CFAP54: variants seen among roughly 807,000 people sequenced by gnomAD.
CFAP54 encodes the protein cilia- and flagella-associated protein 54.
CFAP54 carries 290 observed loss-of-function variants against 370.4 expected under a neutral mutation model. That is an observed-to-expected ratio of 0.78 (90% CI 0.71 to 0.86). CFAP54 has a LOEUF of 0.86. CFAP54 is among the 40% of genes least tolerant of loss of function. The pLI is 0.00. For missense variants in CFAP54, 3,399 were observed against 3,528.7 expected, an observed-to-expected ratio of 0.96 and a Z score of 0.93; for synonymous variants, 1,206 against 1,236.5, an observed-to-expected ratio of 0.98 and a Z score of 0.52.
At chr12:96,570,277 G>A (rs1490498558) in intron 19 of CFAP54, among the ~76,000 whole-genome samples, 1 of 151,342 alleles carries the variant, frequency 6.6e-6, no homozygotes, top group Non-Finnish European at 1.5e-5. Context: ...CCCAGCCTCA[G>A]CTCTTTGTAA....
At chr12:96,779,899 A>T (rs1269523023) in intron 60 of CFAP54, among the ~76,000 whole-genome samples, 1 of 152,064 alleles carries the variant, frequency 6.6e-6, no homozygotes, top group East Asian at 1.9e-4. Context: ...ATTGCAATTA[A>T]GATTAAGTGG....
At chr12:96,802,174 A>C (rs1387170546) in intron 63 of CFAP54, among the ~76,000 whole-genome samples, 1 of 152,036 alleles carries the variant, frequency 6.6e-6, no homozygotes, top group African/African-American at 2.4e-5. Context: ...TCTCCTATGC[A>C]TACCTAGAAC....
chr12:96,843,589 C>T (rs1959251184), intron 66 of CFAP54, among the ~76,000 whole-genome samples: 1 of 152,152 alleles, frequency 6.6e-6, no homozygotes, highest in Non-Finnish European at 1.5e-5. Context: ...ATGCAAAGTC[C>T]AGTGAGAGTT....
chr12:96,716,537 T>C (rs892507625), intron 48 of CFAP54, among the ~76,000 whole-genome samples: 5 of 152,232 alleles, frequency 3.3e-5, no homozygotes, highest in African/African-American at 1.2e-4. Context: ...TGAGCCCCTG[T>C]AGAAGTCAGG....
chr12:96,828,990 G>T, intron 65 of CFAP54, 24 bp from the exon 66 acceptor site: 1 of 1,270,118 alleles, frequency 7.9e-7, no homozygotes, highest in Non-Finnish European at 1.1e-6. Flanking sequence ...CAACCTCACT[G>T]TATTACTATC....
At chr12:96,775,307 TA>T (rs1747638942) in intron 60 of CFAP54, among the ~76,000 whole-genome samples, 1 of 152,076 alleles carries the variant, frequency 6.6e-6, no homozygotes, top group Admixed American at 6.5e-5. Context: ...TGGGCACCTG[TA>T]ATCCCAGCTA....
At chr12:96,754,097 A>G (rs1479418830) in intron 56 of CFAP54, among the ~76,000 whole-genome samples, 199 bp downstream of exon 56, 1 of 152,220 alleles carries the variant, frequency 6.6e-6, no homozygotes, top group African/African-American at 2.4e-5. Flanking sequence ...TCTAGAAAGA[A>G]AAAAGTACTA....
intron 26 of CFAP54, among the ~76,000 whole-genome samples, chr12:96,615,041 C>T (rs1244356172): frequency 1.3e-5 from 2 of 152,166 alleles, no homozygotes; most frequent in African/African-American, 2.4e-5. Flanking sequence ...CAAAAAAGAG[C>T]CTGCATTGCC....
chr12:96,555,553 A>G (rs12320542), intron 17 of CFAP54, among the ~76,000 whole-genome samples: 1,497 of 146,870 alleles, frequency 0.01, 13 homozygotes, highest in Middle Eastern at 0.025. Flanking sequence ...AAAAATAATA[A>G]TATATAATAC....
intron 66 of CFAP54, among the ~76,000 whole-genome samples, chr12:96,846,864 T>C (rs1959370301): frequency 6.6e-6 from 1 of 152,152 alleles, no homozygotes; most frequent in Non-Finnish European, 1.5e-5. Flanking sequence ...TGTGCAGCTT[T>C]TCCTGACACC....
intron 34 of CFAP54, among the ~76,000 whole-genome samples, chr12:96,648,286 T>A (rs1183247457): frequency 6.6e-6 from 1 of 152,204 alleles, no homozygotes; most frequent in Non-Finnish European, 1.5e-5. Context: ...GCAAATATAA[T>A]GTTTTAAATT....
chr12:96,863,777 A>G (rs1368454925), intron 67 of CFAP54, among the ~76,000 whole-genome samples: 1 of 152,038 alleles, frequency 6.6e-6, no homozygotes, highest in Non-Finnish European at 1.5e-5. Context: ...AGCTCTTCCA[A>G]CTATTGCAGA....
Position 96,650,019 on chromosome 12 carries a change from T to A in CFAP54, c.4819T>A (p.Leu1607Met), listed in dbSNP as rs1267379806. 6.2e-7 allele frequency: 1 copy of A among 1,613,488 alleles called. No homozygotes were observed. Among genetic ancestry groups the A allele is most frequent in the Non-Finnish European group, 8.5e-7 (1 of 1,179,854 alleles). ...SAKEKDRGANLCVMDHFMKIF... is the reference protein window; with the variant it reads ...SAKEKDRGANMCVMDHFMKIF... ...TAAAGAAAAGGACCGAGGAGCAAAT[T>A]TGTGTGTAATGGATCATTTTATGAA... is the stretch of plus-strand genomic sequence containing the variant. Residue 1607 changes from leucine (L) to methionine (M), a missense_variant, in exon 35 of 68, where the codon TTG (leucine) becomes ATG (methionine). Physicochemically the swap from Leu to Met is conservative, Grantham distance 15. This residue lies in a region of CFAP54 where 2,796 missense variants were observed against 2,869.7 expected (regional missense o/e 0.97). Coordinates refer to ENST00000524981, the MANE Select transcript of CFAP54 (RefSeq NM_001306084.2).
At chr12:96,740,424 A>G (rs11108666) in intron 51 of CFAP54, among the ~76,000 whole-genome samples, 8,840 of 152,330 alleles carry the variant, frequency 0.058, 713 homozygotes, top group East Asian at 0.44. Context: ...CTATTGCCTT[A>G]GCATTGCCAG....
At chr12:96,866,581 A>G (rs1356670814) in intron 67 of CFAP54, among the ~76,000 whole-genome samples, 1 of 152,190 alleles carries the variant, frequency 6.6e-6, no homozygotes, top group Non-Finnish European at 1.5e-5. Context: ...TAAATTGTAC[A>G]TGATGTGAAA....
At chr12:96,674,383 A>G (rs1431685025) in intron 39 of CFAP54, among the ~76,000 whole-genome samples, 1 of 102,576 alleles carries the variant, frequency 9.7e-6, no homozygotes, top group South Asian at 2.9e-4. Flanking sequence ...TTTCTTACCT[A>G]TTTCAAACTG....
chr12:96,714,170 G>A (rs184996282), intron 48 of CFAP54, among the ~76,000 whole-genome samples: 7 of 152,248 alleles, frequency 4.6e-5, no homozygotes, highest in African/African-American at 7.2e-5. Flanking sequence ...TAGAACTTAC[G>A]TTGGCTTCAA....
intron 66 of CFAP54, among the ~76,000 whole-genome samples, chr12:96,850,126 C>T (rs2136453640): frequency 6.6e-6 from 1 of 151,622 alleles, no homozygotes; most frequent in Admixed American, 6.6e-5. Context: ...CGCCTGTAAT[C>T]CCAGCACTTT....
Position 96,679,735 on chromosome 12 carries a change from T to A in CFAP54, c.5699T>A (p.Phe1900Tyr), listed in dbSNP as rs1239266111. ...CACAGCAGAAAGTTGCTTTCATTAT[T>A]TCTTGCACAGACACAAGGTAAAATG... is the stretch of plus-strand genomic sequence containing the variant. ...IRHSRKLLSL[F>Y]LAQTQDVLQA... The change falls in exon 40 of 68, where the codon TTT (phenylalanine) becomes TAT (tyrosine). Residue 1900 changes from phenylalanine (F) to tyrosine (Y), a missense_variant. Physicochemically the swap from Phe to Tyr is conservative, Grantham distance 22. Coordinates refer to ENST00000524981, the MANE Select transcript of CFAP54 (RefSeq NM_001306084.2). The A allele has an allele frequency of 6.2e-7, 1 of 1,612,992 alleles. No homozygotes were observed. Among genetic ancestry groups the A allele is most frequent in the Admixed American group, 1.7e-5 (1 of 59,896 alleles).
Sources: allele counts gnomAD v4.1 joint callset (sites outside exome capture counted in the v4.1 genomes callset), GRCh38; gene constraint gnomAD v4.1.1; regional missense constraint gnomAD v4.1.1; transcripts MANE v1.5; gene names NCBI Gene and HGNC (gene_info 2026-07-23, HGNC 2026-07-21).